The following PLEKHH2 variants were observed in gnomAD, a reference collection of about 807,000 sequenced individuals.
PLEKHH2 encodes the protein pleckstrin homology domain-containing family H member 2.
PLEKHH2 carries 129 observed loss-of-function variants against 187.9 expected under a neutral mutation model. The observed-to-expected ratio is 0.69, with a 90% CI of 0.59 to 0.79. PLEKHH2 has a LOEUF of 0.79. Among genes scored for constraint, PLEKHH2 ranks in the 30% least tolerant of loss-of-function variants. The pLI, the probability that PLEKHH2 is intolerant of heterozygous loss-of-function variation, is 0.00. For synonymous variants in PLEKHH2, 686 were observed against 605.6 expected, an observed-to-expected ratio of 1.13 and a Z score of -1.95; for missense variants, 2,076 against 1,751.2, an observed-to-expected ratio of 1.19 and a Z score of -3.31.
At chr2:43,667,654 A>C (rs1288570993) in intron 2 of PLEKHH2, among the ~76,000 whole-genome samples, 1 of 152,272 alleles carries the variant, frequency 6.6e-6, no homozygotes, top group African/African-American at 2.4e-5. Flanking sequence ...ATGGACCTTG[A>C]AGACATTGTG....
intron 16 of PLEKHH2, among the ~76,000 whole-genome samples, chr2:43,722,234 C>T (rs189356549): frequency 1.4e-5 from 2 of 140,972 alleles, no homozygotes; most frequent in East Asian, 4.1e-4. Flanking sequence ...CCAGCCTGGG[C>T]GACAGAGTGA....
At chr2:43,692,812 GA>G in intron 4 of PLEKHH2, 149 bp downstream of exon 4, 1 of 879,614 alleles carries the variant, frequency 1.1e-6, no homozygotes, top group Non-Finnish European at 1.7e-6. Flanking sequence ...ATTTATTGGT[GA>G]AAGGTGCAAG....
At chr2:43,729,131 A>C (rs1670916083) in intron 17 of PLEKHH2, among the ~76,000 whole-genome samples, 1 of 152,212 alleles carries the variant, frequency 6.6e-6, no homozygotes, top group Non-Finnish European at 1.5e-5. Context: ...AAAATTCAGA[A>C]ATTATCCTCT....
intron 3 of PLEKHH2, among the ~76,000 whole-genome samples, chr2:43,682,049 C>G (rs186063007): frequency 6.6e-6 from 1 of 152,226 alleles, no homozygotes; most frequent in Non-Finnish European, 1.5e-5. Flanking sequence ...TGTACCTCCA[C>G]CCACTTCCCC....
chr2:43,730,372 A>G (rs1670979216), intron 18 of PLEKHH2, among the ~76,000 whole-genome samples: 1 of 152,200 alleles, frequency 6.6e-6, no homozygotes. Context: ...AAAGATTTAT[A>G]GCATTTGTAG....
intron 3 of PLEKHH2, chr2:43,692,266 T>C (rs1202251313): frequency 7.0e-6 from 2 of 285,346 alleles, no homozygotes; most frequent in African/African-American, 2.2e-5. Flanking sequence ...CTAGGAAACA[T>C]GTACATTACT....
chr2:43,685,644 A>C (rs1461244750), intron 3 of PLEKHH2, among the ~76,000 whole-genome samples: 1 of 144,164 alleles, frequency 6.9e-6, no homozygotes, highest in Admixed American at 7.2e-5. Context: ...GTCTCACCAC[A>C]TTACCCAGAT....
intron 19 of PLEKHH2, among the ~76,000 whole-genome samples, chr2:43,732,968 A>G (rs1671115374): frequency 6.9e-6 from 1 of 145,022 alleles, no homozygotes; most frequent in South Asian, 2.3e-4. Context: ...CTTTGGTCAC[A>G]TCCCCCTCAA....
intron 2 of PLEKHH2, chr2:43,676,348 A>G (rs1169943308): frequency 6.5e-7 from 1 of 1,548,234 alleles, no homozygotes; most frequent in South Asian, 1.3e-5. Flanking sequence ...ACAGTGTGCC[A>G]GGGTCAAAGG....
chr2:43,685,249 C>G (rs1165794498), intron 3 of PLEKHH2, among the ~76,000 whole-genome samples: 2 of 152,208 alleles, frequency 1.3e-5, no homozygotes, highest in African/African-American at 4.8e-5. Context: ...CAGTACTCAG[C>G]TAAAGCCAGT....
intron 15 of PLEKHH2, among the ~76,000 whole-genome samples, chr2:43,714,981 G>T (rs887576492): frequency 1.3e-5 from 2 of 152,094 alleles, no homozygotes; most frequent in African/African-American, 4.8e-5. Context: ...GAGACAGCGC[G>T]AATGAAGGCT....
intron 2 of PLEKHH2, among the ~76,000 whole-genome samples, chr2:43,656,657 C>T (rs368926360): frequency 3.9e-5 from 6 of 152,232 alleles, no homozygotes; most frequent in Admixed American, 1.3e-4. Flanking sequence ...AGCCATTCCA[C>T]GATGTATACA....
At chr2:43,757,059 CTGAT>C in intron 25 of PLEKHH2, 56 bp from the exon 26 acceptor site, 1 of 1,305,224 alleles carries the variant, frequency 7.7e-7, no homozygotes, top group Non-Finnish European at 1.0e-6. Flanking sequence ...ATAAAACTAA[CTGAT>C]TTTCTGTCTT....
chr2:43,721,013 C>T (rs899894684), intron 16 of PLEKHH2, among the ~76,000 whole-genome samples: 6 of 152,158 alleles, frequency 3.9e-5, no homozygotes, highest in Non-Finnish European at 7.3e-5. Context: ...ATTCCCTCCC[C>T]ACAACCATCA....
chr2:43,695,281 A>G, intron 6 of PLEKHH2, 57 bp downstream of exon 6: 2 of 953,140 alleles, frequency 2.1e-6, no homozygotes, highest in Non-Finnish European at 3.0e-6. Flanking sequence ...ATAGGCTTTT[A>G]CTTTTTTTGA....
At chr2:43,647,707 T>TG (rs1322881758) in intron 2 of PLEKHH2, among the ~76,000 whole-genome samples, 3 of 152,176 alleles carry the variant, frequency 2.0e-5, no homozygotes, top group African/African-American at 7.2e-5. Flanking sequence ...GGTTTTGTGT[T>TG]AGCACCAGTC....
intron 5 of PLEKHH2, among the ~76,000 whole-genome samples, chr2:43,694,828 A>C (rs1372222811): frequency 2.0e-5 from 3 of 152,162 alleles, no homozygotes; most frequent in African/African-American, 7.2e-5. Flanking sequence ...TTGGTAGCTG[A>C]GAAGCACACG....
In PLEKHH2 at chr2:43,758,941, G is replaced by C; in HGVS notation, c.3983G>C (p.Arg1328Pro). ...CTTTCAACCAGATGGATGGCCCTCC[G>C]GGGACACAGTGCTGCTGACTGTGTG... ...QRLSTRWMAL[R>P]GHSAADCVRI... is the part of the protein sequence containing the mutation. Residue 1328 changes from arginine (R) to proline (P), a missense_variant, in exon 27 of 30, where the codon CGG (arginine) becomes CCG (proline). Coordinates refer to ENST00000282406, the MANE Select transcript of PLEKHH2 (RefSeq NM_172069.4). 1 of 1,603,852 alleles carries C rather than the reference G, an allele frequency of 6.2e-7. No individual in the cohort carries two copies. The highest frequency in any genetic ancestry group is 8.5e-7 in the Non-Finnish European group (1 of 1,172,072).
At chr2:43,685,580 A>T (rs1572553411) in intron 3 of PLEKHH2, among the ~76,000 whole-genome samples, 1 of 149,698 alleles carries the variant, frequency 6.7e-6, no homozygotes, top group African/African-American at 2.5e-5. Context: ...GGCATGTGCC[A>T]CCACACCCAG....
Sources: gnomAD v4.1 joint callset for allele counts (sites outside exome capture counted in the v4.1 genomes callset) on GRCh38, gnomAD v4.1.1 for gene constraint, MANE v1.5 for transcripts, NCBI Gene and HGNC (gene_info 2026-07-23, HGNC 2026-07-21) for gene names.